Variants in CACNB2 observed in about 807,000 individuals in gnomAD.
CACNB2 encodes calcium voltage-gated channel auxiliary subunit beta 2, also known as voltage-dependent L-type calcium channel subunit beta-2.
In CACNB2, 42 loss-of-function variants were observed where a neutral mutation model predicts 73.3. The observed-to-expected ratio is 0.57, with a 90% CI of 0.45 to 0.74. The LOEUF is 0.74. Among genes scored for constraint, CACNB2 ranks in the 30% least tolerant of loss-of-function variants. The pLI, the probability that CACNB2 is intolerant of heterozygous loss-of-function variation, is 0.00. For synonymous variants in CACNB2, 348 were observed against 310.3 expected, an observed-to-expected ratio of 1.12 and a Z score of -1.28; for missense variants, 940 against 853.0, an observed-to-expected ratio of 1.10 and a Z score of -1.27.
chr10:18,346,934 C>G (rs559308714), intron 2 of CACNB2, among the ~76,000 whole-genome samples: 3 of 152,192 alleles, frequency 2.0e-5, no homozygotes, highest in African/African-American at 7.2e-5. Flanking sequence ...AGAGAAAAAC[C>G]TGACCCGTGA....
intron 2 of CACNB2, among the ~76,000 whole-genome samples, chr10:18,257,627 C>T (rs1019856059): frequency 1.3e-5 from 2 of 152,186 alleles, no homozygotes; most frequent in Non-Finnish European, 1.5e-5. Flanking sequence ...AATGCAATTC[C>T]GTCCATTCTG....
intron 7 of CACNB2, chr10:18,515,156 C>T: frequency 1.2e-6 from 1 of 840,514 alleles, no homozygotes; most frequent in South Asian, 1.4e-5. Context: ...ATGCGTAGAG[C>T]CTTTGCCATT....
chr10:18,448,489 A>AG (rs2046850409), intron 3 of CACNB2, among the ~76,000 whole-genome samples: 1 of 150,460 alleles, frequency 6.6e-6, no homozygotes, highest in South Asian at 2.1e-4. Flanking sequence ...TAAAAAAAAA[A>AG]AAAAAAAAAA....
chr10:18,376,999 G>A (rs1237407634), intron 2 of CACNB2, among the ~76,000 whole-genome samples: 1 of 152,154 alleles, frequency 6.6e-6, no homozygotes, highest in Non-Finnish European at 1.5e-5. Flanking sequence ...ATAACTAAAA[G>A]AGCATAATTG....
At chr10:18,383,517 C>T (rs1412797504) in intron 2 of CACNB2, among the ~76,000 whole-genome samples, 1 of 152,168 alleles carries the variant, frequency 6.6e-6, no homozygotes, top group Non-Finnish European at 1.5e-5. Flanking sequence ...ATATCGTCTT[C>T]ATGTGCCAAG....
At chr10:18,515,684 C>T (rs1457190782) in intron 7 of CACNB2, among the ~76,000 whole-genome samples, 3 of 152,182 alleles carry the variant, frequency 2.0e-5, no homozygotes, top group Non-Finnish European at 4.4e-5. Context: ...GATGTTCACC[C>T]ACAACAGTGG....
At chr10:18,174,182 TTACC>T (rs2033429655) in intron 2 of CACNB2, among the ~76,000 whole-genome samples, 1 of 151,804 alleles carries the variant, frequency 6.6e-6, no homozygotes, top group African/African-American at 2.4e-5. Flanking sequence ...CCTTCTTTCC[TTACC>T]TCCCTCCCTC....
At chr10:18,215,714 A>C (rs1336349770) in intron 2 of CACNB2, among the ~76,000 whole-genome samples, 1 of 152,164 alleles carries the variant, frequency 6.6e-6, no homozygotes, top group Non-Finnish European at 1.5e-5. Context: ...TGAGCACAGC[A>C]CTAAGGAAAT....
intron 3 of CACNB2, among the ~76,000 whole-genome samples, chr10:18,434,169 G>A (rs2046022190): frequency 6.6e-6 from 1 of 152,144 alleles, no homozygotes; most frequent in South Asian, 2.1e-4. Flanking sequence ...TAGGAGTGGG[G>A]AAGAGGTTTC....
At chr10:18,218,760 T>G (rs1229775091) in intron 2 of CACNB2, among the ~76,000 whole-genome samples, 1 of 152,028 alleles carries the variant, frequency 6.6e-6, no homozygotes, top group Non-Finnish European at 1.5e-5. Context: ...TCCCAGCTAC[T>G]TGGGAGGCTG....
chr10:18,237,714 A>AGAGATAGGG (rs1388326104), intron 2 of CACNB2, among the ~76,000 whole-genome samples: 3 of 152,174 alleles, frequency 2.0e-5, no homozygotes, highest in African/African-American at 7.2e-5. Flanking sequence ...AAAGACAGGA[A>AGAGATAGGG]GAGATAGGGG....
chr10:18,510,795 A>G (rs2050728495), intron 6 of CACNB2, among the ~76,000 whole-genome samples: 1 of 152,222 alleles, frequency 6.6e-6, no homozygotes, highest in African/African-American at 2.4e-5. Context: ...TATGAGCCCA[A>G]TAAAAGATGA....
chr10:18,237,106 G>C (rs2036474930), intron 2 of CACNB2, among the ~76,000 whole-genome samples: 1 of 152,172 alleles, frequency 6.6e-6, no homozygotes, highest in Non-Finnish European at 1.5e-5. Flanking sequence ...AATGTGGTCA[G>C]TGTTATTGTA....
chr10:18,330,513 T>G (rs1241039057), intron 2 of CACNB2, among the ~76,000 whole-genome samples: 2 of 151,790 alleles, frequency 1.3e-5, no homozygotes, highest in African/African-American at 2.4e-5. Context: ...CCAGGTGTAG[T>G]GGTGTGTTCC....
At chr10:18,143,063 C>A (rs936020197) in intron 1 of CACNB2, among the ~76,000 whole-genome samples, 2 of 152,148 alleles carry the variant, frequency 1.3e-5, no homozygotes, top group African/African-American at 4.8e-5. Flanking sequence ...GATAATTTAT[C>A]GTTTCTAGTT....
At chr10:18,483,360 G>A (rs1485187907) in intron 3 of CACNB2, among the ~76,000 whole-genome samples, 24 of 151,764 alleles carry the variant, frequency 1.6e-4, no homozygotes, top group African/African-American at 4.6e-4. Flanking sequence ...GTGAAACCCC[G>A]TTTCTACTAA....
At chr10:18,288,217 G>A (rs907787740) in intron 2 of CACNB2, among the ~76,000 whole-genome samples, 3 of 152,090 alleles carry the variant, frequency 2.0e-5, no homozygotes, top group African/African-American at 7.2e-5. Flanking sequence ...AGCTTTTTGT[G>A]GGGTCATAAC....
chr10:18,200,962 A>G (rs1292773821), intron 2 of CACNB2, among the ~76,000 whole-genome samples: 1 of 152,176 alleles, frequency 6.6e-6, no homozygotes, highest in Non-Finnish European at 1.5e-5. Context: ...TGACATCTAT[A>G]CCAACTCTGT....
chr10:18,464,418 T>TAAAATAAAAAAAAAAAAA (rs1554824204), intron 3 of CACNB2, among the ~76,000 whole-genome samples: 36 of 85,270 alleles, frequency 4.2e-4, no homozygotes, highest in Admixed American at 7.7e-4. Flanking sequence ...TCTCAAAAAT[T>TAAAATAAAAAAAAAAAAA]AAAAAAAAAA....
Sources: allele counts gnomAD v4.1 joint callset (sites outside exome capture counted in the v4.1 genomes callset), GRCh38; gene constraint gnomAD v4.1.1; transcripts MANE v1.5; gene names NCBI Gene and HGNC (gene_info 2026-07-23, HGNC 2026-07-21).